The following SERINC5 variants were observed in gnomAD, a reference collection of about 807,000 sequenced individuals.
The protein encoded by SERINC5 is serine incorporator 5.
In SERINC5, 41 loss-of-function variants were observed where a neutral mutation model predicts 63.1. That is an observed-to-expected ratio of 0.65 (90% CI 0.51 to 0.84). SERINC5 has a LOEUF of 0.84. Among genes scored for constraint, SERINC5 ranks in the 40% least tolerant of loss-of-function variants. The pLI is 0.00. For missense variants in SERINC5, 523 were observed against 573.0 expected, an observed-to-expected ratio of 0.91 and a Z score of 0.89; for synonymous variants, 222 against 215.2, an observed-to-expected ratio of 1.03 and a Z score of -0.28.
intron 6 of SERINC5, among the ~76,000 whole-genome samples, chr5:80,168,545 G>T (rs1267095057): frequency 6.6e-6 from 1 of 151,996 alleles, no homozygotes; most frequent in Non-Finnish European, 1.5e-5. Flanking sequence ...GATTCAAGGG[G>T]GCTGTACATT....
At chr5:80,203,260 ATATATATATATGTG>A (rs1029946892) in intron 1 of SERINC5, 8 of 263,974 alleles carry the variant, frequency 3.0e-5, no homozygotes, top group African/African-American at 1.4e-4. Flanking sequence ...ATATACACAT[ATATATATATATGTG>A]TATATATATT....
intron 11 of SERINC5, among the ~76,000 whole-genome samples, chr5:80,123,605 AAC>A (rs775040760): frequency 1.3e-5 from 2 of 152,142 alleles, no homozygotes; most frequent in Non-Finnish European, 2.9e-5. Flanking sequence ...CAGCTCTTTG[AAC>A]AGAGATGATC....
intron 1 of SERINC5, among the ~76,000 whole-genome samples, chr5:80,233,635 A>G (rs561465862): frequency 1.3e-5 from 2 of 151,842 alleles, no homozygotes; most frequent in Non-Finnish European, 2.9e-5. Context: ...TTAAATAGGA[A>G]GTATCCTATA....
intron 1 of SERINC5, among the ~76,000 whole-genome samples, chr5:80,222,603 G>A (rs977625813): frequency 3.0e-4 from 39 of 130,888 alleles, no homozygotes; most frequent in Non-Finnish European, 5.1e-4. Context: ...ACGGAGTTTC[G>A]CTCTTGTTGT....
rs141719213 is a variant in SERINC5, at chr5:80,127,525, G to A, written c.1239-13900C>T. Among the ~76,000 whole-genome samples, 460 of 152,260 alleles carry A rather than the reference G, an allele frequency of 3.0e-3. 3 individuals are homozygous for A. The highest frequency in any genetic ancestry group is 0.011 in the African/African-American group (451 of 41,532). On this transcript the variant is annotated intron_variant, in intron 11 of 12. Transcript: ENST00000509193. ...CTTGTTACCACAGCATAACTTAGCCGACACTGACTGATACCACCTACCTCC... is the reference window on the plus strand; with the variant it reads ...CTTGTTACCACAGCATAACTTAGCCAACACTGACTGATACCACCTACCTCC...
At chr5:80,233,670 T>A (rs1469786180) in intron 1 of SERINC5, among the ~76,000 whole-genome samples, 1 of 151,936 alleles carries the variant, frequency 6.6e-6, no homozygotes, top group African/African-American at 2.4e-5. Flanking sequence ...ATCCTATAAA[T>A]AAAAAGTATC....
intron 1 of SERINC5, among the ~76,000 whole-genome samples, chr5:80,252,262 G>A (rs1752463370): frequency 6.6e-6 from 1 of 151,938 alleles, no homozygotes; most frequent in Non-Finnish European, 1.5e-5. Context: ...GTTTCACCAT[G>A]TTGCCCAGGC....
At chr5:80,227,945 T>A (rs13155647) in intron 1 of SERINC5, among the ~76,000 whole-genome samples, 12 of 151,268 alleles carry the variant, frequency 7.9e-5, no homozygotes, top group African/African-American at 2.4e-4. Context: ...ACACTTGGCC[T>A]GCATGGTGGC....
chr5:80,164,882 A>T (rs1395531837), intron 7 of SERINC5, among the ~76,000 whole-genome samples: 3 of 146,526 alleles, frequency 2.0e-5, no homozygotes, highest in African/African-American at 7.6e-5. Context: ...AATGTAGAGC[A>T]CTTGAAATTT....
chr5:80,141,662 G>A lies in SERINC5; in HGVS notation c.*2001C>T, dbSNP rs1374766166. 2.5e-5 allele frequency: 25 copies of A among 985,508 alleles called. No individual in the cohort carries two copies. The East Asian group carries it at 4.5e-4, about 18-fold the overall frequency. 61.0% of individuals were successfully genotyped at this position (985,508 alleles called of 1,614,324 possible). ...GCAACACAGCTACTGTGTGTGACAC[G>A]CAGCCCCACTCCCTGAGCCCATTCC... is the stretch of plus-strand genomic sequence containing the variant. On this transcript the variant is annotated 3_prime_UTR_variant, in exon 12 of 12. Transcript: ENST00000507668.
At chr5:80,190,094 C>A (rs1191603326) in intron 2 of SERINC5, among the ~76,000 whole-genome samples, 1 of 146,728 alleles carries the variant, frequency 6.8e-6, no homozygotes, top group Non-Finnish European at 1.5e-5. Context: ...ATTTACATAA[C>A]TGTCTCCCGT....
intron 8 of SERINC5, among the ~76,000 whole-genome samples, chr5:80,156,477 C>T (rs1208119909): frequency 6.6e-6 from 1 of 152,160 alleles, no homozygotes; most frequent in South Asian, 2.1e-4. Flanking sequence ...CCCGGGGGAA[C>T]TAACTCCTAG....
At chr5:80,158,632 T>C (rs1388624352) in intron 8 of SERINC5, 6 of 540,872 alleles carry the variant, frequency 1.1e-5, no homozygotes, top group African/African-American at 1.9e-5. Context: ...TTACATACCA[T>C]ATATTTGCTT....
chr5:80,123,269 T>A (rs1001685962), intron 11 of SERINC5, among the ~76,000 whole-genome samples: 36 of 152,266 alleles, frequency 2.4e-4, no homozygotes, highest in East Asian at 3.9e-4. Context: ...CTGATTTTTT[T>A]AAAAAAATTA....
Position 80,182,552 on chromosome 5 carries a change from C to A in SERINC5, c.196-4488G>T, listed in dbSNP as rs765674889. 4.0e-3 allele frequency among the ~76,000 whole-genome samples: 570 copies of A among 141,424 alleles called. 29 individuals carry two copies. Among genetic ancestry groups the A allele is most frequent in the Non-Finnish European group, 6.3e-3 (416 of 65,928 alleles). The allele number at this position is 141,424 out of a possible 152,430, so 92.8% of individuals were successfully genotyped here. On this transcript the variant is annotated intron_variant, in intron 2 of 11. Coordinates refer to ENST00000507668, the MANE Select transcript of SERINC5 (RefSeq NM_001174072.3). ...GCTTCTATCATCTGACCGCCCCCCC[C>A]CCCTCCGCTTTTTTTTAATTGAGAC...
At chr5:80,126,411 C>T (rs943721992) in intron 11 of SERINC5, among the ~76,000 whole-genome samples, 14 of 152,166 alleles carry the variant, frequency 9.2e-5, no homozygotes, top group African/African-American at 3.4e-4. Flanking sequence ...TGACATCAGC[C>T]AGATAACCAC....
At chr5:80,255,478 C>T (rs1260218374) in intron 1 of SERINC5, among the ~76,000 whole-genome samples, 1 of 152,160 alleles carries the variant, frequency 6.6e-6, no homozygotes, top group African/African-American at 2.4e-5. Context: ...TTATTCAGGG[C>T]ATAGCAAAGG....
At chr5:80,174,707 G>T (rs1004304827) in intron 5 of SERINC5, among the ~76,000 whole-genome samples, 1 of 152,050 alleles carries the variant, frequency 6.6e-6, no homozygotes, top group South Asian at 2.1e-4. Context: ...ATCGAGACCC[G>T]TACGAGCAGG....
chr5:80,205,417 A>G (rs890297289), intron 1 of SERINC5, among the ~76,000 whole-genome samples: 1 of 152,232 alleles, frequency 6.6e-6, no homozygotes, highest in Non-Finnish European at 1.5e-5. Flanking sequence ...TGAATGTACA[A>G]GCACCCAGGG....
Sources: gnomAD v4.1 joint callset for allele counts (sites outside exome capture counted in the v4.1 genomes callset) on GRCh38, gnomAD v4.1.1 for gene constraint, MANE v1.5 for transcripts, NCBI Gene and HGNC (gene_info 2026-07-23, HGNC 2026-07-21) for gene names.